The following LYPD6B variants were observed in gnomAD, a reference collection of about 807,000 sequenced individuals.
LYPD6B encodes LY6/PLAUR domain containing 6B.
A neutral mutation model predicts 22.8 loss-of-function variants in LYPD6B; 17 were observed. That is an observed-to-expected ratio of 0.75 (90% CI 0.51 to 1.12). The LOEUF is 1.12. LYPD6B is among the 50% of genes most tolerant of loss of function. The probability of loss-of-function intolerance (pLI) is 0.00; values close to 1 mark genes in which losing one functional copy is unlikely to be tolerated. For synonymous variants in LYPD6B, 106 were observed against 91.6 expected (o/e 1.16, Z -0.90); for missense variants, 221 against 258.3 (o/e 0.86, Z 0.99).
chr2:149,167,538 G>A (rs1197944669), intron 3 of LYPD6B, among the ~76,000 whole-genome samples: 3 of 152,152 alleles, frequency 2.0e-5, no homozygotes, highest in Non-Finnish European at 4.4e-5. Context: ...ACGTGTGTGG[G>A]GAGGTATAGA....
At chr2:149,182,881 A>T (rs759100490) in intron 3 of LYPD6B, among the ~76,000 whole-genome samples, 5 of 152,214 alleles carry the variant, frequency 3.3e-5, no homozygotes, top group Non-Finnish European at 7.4e-5. Context: ...ATGTTCCTGT[A>T]TTAAGTTATG....
At chr2:149,212,561 C>T (rs1373188600) in intron 5 of LYPD6B, among the ~76,000 whole-genome samples, 1 of 151,914 alleles carries the variant, frequency 6.6e-6, no homozygotes, top group Non-Finnish European at 1.5e-5. Flanking sequence ...AGTAATGAAA[C>T]AACTGTATAA....
intron 1 of LYPD6B, among the ~76,000 whole-genome samples, chr2:149,120,753 A>G (rs527363784): frequency 8.8e-5 from 13 of 148,026 alleles, no homozygotes; most frequent in African/African-American, 3.3e-4. Flanking sequence ...CATTATTAAT[A>G]TAAACATTTT....
intron 2 of LYPD6B, among the ~76,000 whole-genome samples, chr2:149,146,566 G>A (rs1345256950): frequency 2.0e-5 from 3 of 152,120 alleles, no homozygotes; most frequent in African/African-American, 7.2e-5. Flanking sequence ...GGGAGCCTTT[G>A]GATGCATTTA....
At chr2:149,139,369 G>A (rs1386868959) in intron 2 of LYPD6B, among the ~76,000 whole-genome samples, 1 of 152,178 alleles carries the variant, frequency 6.6e-6, no homozygotes, top group Non-Finnish European at 1.5e-5. Context: ...TTAGCACACA[G>A]CTTGGCCTGT....
intron 3 of LYPD6B, among the ~76,000 whole-genome samples, chr2:149,170,185 T>G (rs1223925632): frequency 6.6e-6 from 1 of 152,254 alleles, no homozygotes; most frequent in Non-Finnish European, 1.5e-5. Context: ...GATACAGCTA[T>G]GAAAATGGAT....
intron 3 of LYPD6B, among the ~76,000 whole-genome samples, chr2:149,184,373 T>G (rs1275135397): frequency 2.0e-5 from 3 of 152,172 alleles, no homozygotes; most frequent in African/African-American, 7.2e-5. Context: ...CTGTGAACTT[T>G]GCCAAGTTTT....
chr2:149,204,128 T>G (rs1693351189), intron 3 of LYPD6B, among the ~76,000 whole-genome samples: 1 of 152,260 alleles, frequency 6.6e-6, no homozygotes, highest in Non-Finnish European at 1.5e-5. Flanking sequence ...AGTTCTTTTA[T>G]GTACACAATC....
chr2:149,145,474 C>T (rs764298717), intron 2 of LYPD6B, among the ~76,000 whole-genome samples: 29 of 152,136 alleles, frequency 1.9e-4, no homozygotes, highest in Non-Finnish European at 3.7e-4. Flanking sequence ...GGGGAAGATA[C>T]GGTGAACACA....
chr2:149,083,312 AT>A (rs1297560808), intron 1 of LYPD6B, among the ~76,000 whole-genome samples: 6 of 152,340 alleles, frequency 3.9e-5, no homozygotes, highest in Admixed American at 6.5e-5. Context: ...CTACATTACC[AT>A]AATGCAATAT....
At chr2:149,146,513 G>T (rs968137762) in intron 2 of LYPD6B, among the ~76,000 whole-genome samples, 1 of 152,192 alleles carries the variant, frequency 6.6e-6, no homozygotes, top group East Asian at 1.9e-4. Context: ...GCTGGGCCAC[G>T]CCAGGCTGTG....
intron 1 of LYPD6B, among the ~76,000 whole-genome samples, chr2:149,041,459 C>A (rs1301737057): frequency 6.6e-6 from 1 of 152,178 alleles, no homozygotes; most frequent in Non-Finnish European, 1.5e-5. Flanking sequence ...TACCCTGAAA[C>A]CAGTCATTGG....
intron 2 of LYPD6B, among the ~76,000 whole-genome samples, chr2:149,134,844 C>A (rs1176309296): frequency 6.6e-6 from 1 of 152,104 alleles, no homozygotes; most frequent in Non-Finnish European, 1.5e-5. Flanking sequence ...CAAAGAGTAG[C>A]GAGGCATGCA....
intron 1 of LYPD6B, among the ~76,000 whole-genome samples, chr2:149,128,186 C>T (rs1242040450): frequency 3.9e-5 from 6 of 152,064 alleles, no homozygotes; most frequent in African/African-American, 1.4e-4. Context: ...GAAAATCAAG[C>T]TTGAGTCTAA....
chr2:149,066,921 G>T (rs1285658360), intron 1 of LYPD6B, among the ~76,000 whole-genome samples: 1 of 152,066 alleles, frequency 6.6e-6, no homozygotes, highest in Non-Finnish European at 1.5e-5. Flanking sequence ...AGATAGTGAG[G>T]ATAGTACCCA....
intron 2 of LYPD6B, among the ~76,000 whole-genome samples, chr2:149,145,433 C>T (rs528717626): frequency 3.3e-5 from 5 of 152,184 alleles, no homozygotes; most frequent in Non-Finnish European, 5.9e-5. Context: ...AGCCCGGGTG[C>T]GAGAGTGAGG....
At chr2:149,081,663 T>G (rs994334961) in intron 1 of LYPD6B, among the ~76,000 whole-genome samples, 2 of 152,262 alleles carry the variant, frequency 1.3e-5, no homozygotes, top group African/African-American at 4.8e-5. Flanking sequence ...AAACAGAACC[T>G]GACCAGCAAG....
At chr2:149,143,374 G>A (rs555895895) in intron 2 of LYPD6B, among the ~76,000 whole-genome samples, 1 of 151,934 alleles carries the variant, frequency 6.6e-6, no homozygotes, top group East Asian at 1.9e-4. Context: ...TCTGGGCAGG[G>A]ACCTTCGGTG....
At chr2:149,187,619 C>T (rs1022923261) in intron 3 of LYPD6B, 17 of 1,104,478 alleles carry the variant, frequency 1.5e-5, no homozygotes, top group Middle Eastern at 2.1e-4. Context: ...ACTGAATAAA[C>T]GTATTTAGTA....
Sources: gnomAD v4.1 joint callset for allele counts (sites outside exome capture counted in the v4.1 genomes callset) on GRCh38, gnomAD v4.1.1 for gene constraint, MANE v1.5 for transcripts, NCBI Gene and HGNC (gene_info 2026-07-23, HGNC 2026-07-21) for gene names.